Variants in SATB1 observed in about 807,000 individuals in gnomAD.
SATB1 encodes the protein SATB homeobox 1, also known as DNA-binding protein SATB1.
Under a neutral mutation model 86.9 loss-of-function variants are expected in SATB1, and 11 were observed. That is an observed-to-expected ratio of 0.13 (90% confidence interval 0.08 to 0.21). The LOEUF (loss-of-function observed/expected upper bound fraction) is 0.21. Among genes scored for constraint, SATB1 ranks in the 10% least tolerant of loss-of-function variants. The pLI is 1.00. For synonymous variants in SATB1, 357 were observed against 357.2 expected, an observed-to-expected ratio of 1.00 and a Z score of 0.01; for missense variants, 551 against 937.6, an observed-to-expected ratio of 0.59 and a Z score of 5.39.
chr3:18,429,075 T>G (rs1393803737), upstream of SATB1, among the ~76,000 whole-genome samples: 2 of 152,258 alleles, frequency 1.3e-5, no homozygotes, highest in African/African-American at 4.8e-5. This position sits in a 1 kb window ranked among gnomAD's most constrained non-coding sequence, Gnocchi z 4.1. Context: ...ACAATTTATG[T>G]AGCATATTGC....
intron 7 of SATB1, among the ~76,000 whole-genome samples, chr3:18,387,725 T>C (rs576198115): frequency 6.6e-6 from 1 of 152,322 alleles, no homozygotes; most frequent in African/African-American, 2.4e-5. Flanking sequence ...AATAAAATTT[T>C]GTCAGGATTT....
Position 18,345,984 on chromosome 3 carries a change from CAG to C in SATB1, c.*3184_*3185del, listed in dbSNP as rs1491457788. On this transcript the variant is annotated 3_prime_UTR_variant, in exon 11 of 11. Coordinates refer to ENST00000338745, the MANE Select transcript of SATB1 (RefSeq NM_002971.6). ...TCAAGCCAGTATTTTTAGATAAACA[CAG>C]ATATAGATATCGCTACTTTGAAAAA... 6.6e-6 allele frequency: 1 copy of C among 152,040 alleles called. No homozygotes were observed. Among genetic ancestry groups the C allele is most frequent in the Non-Finnish European group, 1.5e-5 (1 of 67,934 alleles). 9.4% of individuals were successfully genotyped at this position (152,040 alleles called of 1,614,324 possible). A position where few individuals can be genotyped will look rare whatever the true frequency, so the allele number is the denominator to read the frequency against.
rs1020736557 is a variant in SATB1, at chr3:18,416,145, A to G, written c.389-12T>C. ...AACCTGGATTAGCCCTATTTCAGAT[A>G]AAGAGAATATGTCACTAAATATTTT... On this transcript the variant is annotated splice_polypyrimidine_tract_variant and intron_variant, in intron 3 of 10. Transcript: ENST00000338745. The G allele has an allele frequency of 1.3e-6, 2 of 1,591,246 alleles. No homozygotes were observed.
At chr3:18,364,820 A>G (rs1051595092) in intron 9 of SATB1, among the ~76,000 whole-genome samples, 1 of 152,122 alleles carries the variant, frequency 6.6e-6, no homozygotes, top group African/African-American at 2.4e-5. Context: ...AAATCTTAGT[A>G]TTTATGGATT....
Position 18,349,738 on chromosome 3 carries a change from G to C in SATB1, c.1780-56C>G, listed in dbSNP as rs1694255730. On this transcript the variant is annotated intron_variant, in intron 10 of 10. Transcript: ENST00000338745. The surrounding 1 kb of genome is among the most constrained non-coding windows in gnomAD (Gnocchi z 5.5). ...CTGCTATCGTGGAGTTCCACACAAA[G>C]CCGTCTCCAATCAGGAAAAATGTGG... The C allele has an allele frequency of 6.5e-7, 1 of 1,528,210 alleles. No homozygotes were observed. Among genetic ancestry groups the C allele is most frequent in the Non-Finnish European group, 8.8e-7 (1 of 1,138,416 alleles). 94.7% of individuals were successfully genotyped at this position (1,528,210 alleles called of 1,614,324 possible).
chr3:18,418,286 A>C (rs984906629), intron 2 of SATB1, among the ~76,000 whole-genome samples: 3 of 152,142 alleles, frequency 2.0e-5, no homozygotes, highest in African/African-American at 7.2e-5. Flanking sequence ...AGGATTTCCT[A>C]CTGACACCAG....
chr3:18,353,258 T>C (rs962291616), intron 9 of SATB1, among the ~76,000 whole-genome samples: 3 of 152,320 alleles, frequency 2.0e-5, no homozygotes, highest in Middle Eastern at 3.4e-3. Flanking sequence ...CCCCTGTTTC[T>C]GAAAATGGAC....
chr3:18,433,320 A>G (rs1167218753), intron 2 of SATB1, among the ~76,000 whole-genome samples: 2 of 152,188 alleles, frequency 1.3e-5, no homozygotes, highest in African/African-American at 4.8e-5. Flanking sequence ...ACAACTGTAT[A>G]AAGTACTAAT....
chr3:18,349,061 C>G lies in SATB1; in HGVS notation c.*109G>C. On this transcript the variant is annotated 3_prime_UTR_variant, in exon 11 of 11. Transcript: ENST00000338745. The surrounding 1 kb of genome is among the most constrained non-coding windows in gnomAD (Gnocchi z 5.5). Reference sequence around the variant, plus strand: ...CTGTTTGTGCAAGTTTTTGAAGATTCATTGGCCAAACAATGAACAACAAAG... The same window carrying G: ...CTGTTTGTGCAAGTTTTTGAAGATTGATTGGCCAAACAATGAACAACAAAG... The G allele has an allele frequency of 6.7e-7, 1 of 1,490,156 alleles. No individual in the cohort carries two copies. 92.3% of individuals were successfully genotyped at this position (1,490,156 alleles called of 1,614,324 possible).
intron 5 of SATB1, among the ~76,000 whole-genome samples, chr3:18,408,496 T>C (rs1376033911): frequency 6.6e-6 from 1 of 151,950 alleles, no homozygotes; most frequent in Non-Finnish European, 1.5e-5. Flanking sequence ...GATTTAAAAG[T>C]CCCAACAGCC....
At chr3:18,363,167 A>AG (rs900347101) in intron 9 of SATB1, among the ~76,000 whole-genome samples, 7 of 152,260 alleles carry the variant, frequency 4.6e-5, no homozygotes, top group Non-Finnish European at 2.9e-5. Flanking sequence ...AATTTTTAAA[A>AG]GCAGGGCAAG....
chr3:18,366,737 T>C (rs1321009913), intron 9 of SATB1, among the ~76,000 whole-genome samples: 1 of 152,132 alleles, frequency 6.6e-6, no homozygotes, highest in African/African-American at 2.4e-5. Context: ...AAAGTGTATA[T>C]CAATCATGAG....
chr3:18,393,818 T>C (rs548609438), intron 7 of SATB1, among the ~76,000 whole-genome samples: 10 of 152,344 alleles, frequency 6.6e-5, no homozygotes, highest in Non-Finnish European at 1.0e-4. Flanking sequence ...ATCTGGTCGA[T>C]AACAGAATAA....
intron 2 of SATB1, chr3:18,417,777 C>A (rs1698195086): frequency 3.2e-6 from 2 of 627,614 alleles, no homozygotes; most frequent in Non-Finnish European, 5.6e-6. Flanking sequence ...AGCACGGTAC[C>A]CATAAGTCTT....
intron 6 of SATB1, among the ~76,000 whole-genome samples, chr3:18,395,278 T>G (rs1358014522): frequency 6.6e-6 from 1 of 152,212 alleles, no homozygotes; most frequent in African/African-American, 2.4e-5. Flanking sequence ...GAATGTCATT[T>G]GCTTAATGAC....
chr3:18,395,381 A>G (rs1696915993), intron 6 of SATB1, among the ~76,000 whole-genome samples: 1 of 152,358 alleles, frequency 6.6e-6, no homozygotes, highest in African/African-American at 2.4e-5. Context: ...CATTAACTTT[A>G]GTACTCTAGG....
At chr3:18,416,774 C>T (rs574961397) in intron 3 of SATB1, 128 bp downstream of exon 3, 6 of 906,630 alleles carry the variant, frequency 6.6e-6, no homozygotes, top group African/African-American at 3.5e-5. Flanking sequence ...TTTTTAAAGC[C>T]ACAGCCTATA....
chr3:18,376,088 G>GA (rs1695736002), intron 9 of SATB1, among the ~76,000 whole-genome samples: 1 of 152,120 alleles, frequency 6.6e-6, no homozygotes, highest in Non-Finnish European at 1.5e-5. Context: ...AAAGAGCAGG[G>GA]ATGTTTAAAA....
In SATB1 at chr3:18,374,972, C is replaced by T. The variant is rs148553716; in HGVS notation, c.1575+3198G>A. Among the ~76,000 whole-genome samples, 121 of 152,258 alleles carry T rather than the reference C, an allele frequency of 7.9e-4. No individual in the cohort carries two copies. In the Middle Eastern group the frequency reaches 0.01, roughly 13 times the overall value. ...GTTAAAATTTTCCAATATTATACCA[C>T]CAATGACACAACCTGGATCAGAGTT... On this transcript the variant is annotated intron_variant, in intron 9 of 10. Transcript: ENST00000338745.
Sources: allele counts gnomAD v4.1 joint callset (sites outside exome capture counted in the v4.1 genomes callset), GRCh38; gene constraint gnomAD v4.1.1; non-coding constraint Gnocchi (gnomAD v3.1); transcripts MANE v1.5; gene names NCBI Gene and HGNC (gene_info 2026-07-23, HGNC 2026-07-21).